SIM2: variants seen among roughly 807,000 people sequenced by gnomAD.
SIM2 encodes single-minded homolog 2.
A neutral mutation model predicts 64.8 loss-of-function variants in SIM2; 28 were observed. The observed-to-expected ratio is 0.43, with a 90% CI of 0.32 to 0.59. The LOEUF is 0.59. Ranked by LOEUF, SIM2 falls within the 20% of genes least tolerant of loss-of-function variation. The pLI, the probability that SIM2 is intolerant of heterozygous loss-of-function variation, is 0.07. For synonymous variants in SIM2, 408 were observed against 391.1 expected (o/e 1.04, Z -0.51); for missense variants, 847 against 871.4 (o/e 0.97, Z 0.35).
At chr21:36,722,116 C>T (rs2088830566) in intron 4 of SIM2, among the ~76,000 whole-genome samples, 1 of 152,220 alleles carries the variant, frequency 6.6e-6, no homozygotes, top group African/African-American at 2.4e-5. Flanking sequence ...CTCCCCAGAA[C>T]TTGGTAATTG....
intron 5 of SIM2, among the ~76,000 whole-genome samples, chr21:36,724,414 G>A (rs544775794): frequency 3.2e-4 from 49 of 152,236 alleles, no homozygotes; most frequent in African/African-American, 1.2e-3. Context: ...GTGTAGCTGG[G>A]GCCACAGGCG....
rs745858446 is a variant in SIM2, at chr21:36,726,215, G to C, written c.640G>C (p.Gly214Arg). The C allele has an allele frequency of 6.2e-7, 1 of 1,613,868 alleles. No homozygotes were observed. The highest frequency in any genetic ancestry group is 8.5e-7 in the Non-Finnish European group (1 of 1,180,014). The change falls in exon 6 of 11, where the codon GGC (glycine) becomes CGC (arginine). Residue 214 changes from glycine (G) to arginine (R), a missense_variant. Transcript: ENST00000290399. This position sits in a 1 kb window ranked among gnomAD's most constrained non-coding sequence, Gnocchi z 4.5. ...CYQIVGLVAV[G>R]QSLPPSAITE... ...CCAGATTGTGGGGCTGGTGGCCGTG[G>C]GCCAGTCGCTGCCACCCAGTGCCAT...
intron 3 of SIM2, among the ~76,000 whole-genome samples, chr21:36,713,365 C>A (rs2123436672): frequency 6.6e-6 from 1 of 152,308 alleles, no homozygotes; most frequent in East Asian, 1.9e-4. Context: ...GATTTGGGGG[C>A]TCCCTGGGCC....
chr21:36,700,396 T>C (rs1285209407), intron 1 of SIM2, among the ~76,000 whole-genome samples: 1 of 149,960 alleles, frequency 6.7e-6, no homozygotes, highest in Non-Finnish European at 1.5e-5. Flanking sequence ...CCCTCCCTCC[T>C]TCCTTCCTTC....
intron 7 of SIM2, among the ~76,000 whole-genome samples, chr21:36,732,267 G>A (rs2088980258): frequency 6.6e-6 from 1 of 152,236 alleles, no homozygotes; most frequent in African/African-American, 2.4e-5. Context: ...GCCCTGCCAC[G>A]CCCATGGCCA....
chr21:36,704,508 C>T (rs986779617), intron 1 of SIM2, among the ~76,000 whole-genome samples: 5 of 152,320 alleles, frequency 3.3e-5, no homozygotes, highest in Admixed American at 6.5e-5. Context: ...AGGGGACACC[C>T]GGGCACAGGG....
Position 36,745,944 on chromosome 21 carries a change from A to G in SIM2, c.1576+808A>G, listed in dbSNP as rs1601063682. The G allele has an allele frequency of 1.6e-6, 2 of 1,248,648 alleles. 1 individual carries two copies. Among genetic ancestry groups the G allele is most frequent in the Admixed American group, 4.7e-5 (2 of 42,148 alleles). The allele number at this position is 1,248,648 out of a possible 1,614,324, so 77.3% of individuals were successfully genotyped here. A position where few individuals can be genotyped will look rare whatever the true frequency, so the allele number is the denominator to read the frequency against. ...TGTATTCCCATTGCACCGAGACCTA[A>G]CTGCCGCTCAGAGTGTAGACCGAGA... is the stretch of plus-strand genomic sequence containing the variant. On this transcript the variant is annotated intron_variant, in intron 10 of 10. Coordinates refer to ENST00000290399, the MANE Select transcript of SIM2 (RefSeq NM_005069.6). The surrounding 1 kb of genome is among the most constrained non-coding windows in gnomAD (Gnocchi z 4.8).
intron 1 of SIM2, among the ~76,000 whole-genome samples, chr21:36,701,016 C>A (rs1737090267): frequency 6.6e-6 from 1 of 152,234 alleles, no homozygotes; most frequent in African/African-American, 2.4e-5. Flanking sequence ...GCGTTTTTGG[C>A]GTCCCAAGCG....
At position 36,734,976 on chromosome 21, in the gene SIM2, G is replaced by A. The variant is rs117786026; in HGVS notation, c.850+3825G>A. ...GAGTTGAAGTGCAATGGTTGATTTG[G>A]ACAGTGACTAGACATGGCCAGGGGA... On this transcript the variant is annotated intron_variant, in intron 7 of 10. Transcript: ENST00000290399. Among the ~76,000 whole-genome samples the A allele has an allele frequency of 5.7e-3, 869 of 152,326 alleles. 2 individuals are homozygous for A. Among genetic ancestry groups the A allele is most frequent in the Non-Finnish European group, 0.01 (684 of 68,028 alleles).
intron 7 of SIM2, among the ~76,000 whole-genome samples, chr21:36,734,147 C>T (rs1048263311): frequency 6.6e-6 from 1 of 152,192 alleles, no homozygotes; most frequent in East Asian, 1.9e-4. Context: ...CACCACACCA[C>T]GGGGCTTAAC....
chr21:36,723,115 C>T lies in SIM2; in HGVS notation c.528C>T (p.Thr176=). 1.9e-6 allele frequency: 3 copies of T among 1,614,054 alleles called. No homozygotes were observed. The highest frequency in any genetic ancestry group is 3.3e-4 in the Middle Eastern group (2 of 6,060). Residue 176 remains threonine, a synonymous_variant, in exon 5 of 11, where the codon ACC becomes ACT. Transcript: ENST00000290399. ...TGGCGAAAAGGAACGCGGGCCTGAC[C>T]TGCAGCGGATACAAGGTACGGGGAG... ...CVLAKRNAGL[T]CSGYKVIHCS...
Position 36,747,719 on chromosome 21 carries a change from C to G in SIM2, c.1631C>G (p.Pro544Arg). Residue 544 changes from proline (P) to arginine (R), a missense_variant, in exon 11 of 11, where the codon CCG becomes CGG. By Grantham distance (103) the Pro-to-Arg change is moderately radical (BLOSUM62 -2). Around this residue, in one of 3 missense-constraint regions of SIM2, gnomAD observed 447 missense variants for 414.6 expected, o/e 1.08. Coordinates refer to ENST00000290399, the MANE Select transcript of SIM2 (RefSeq NM_005069.6). This position sits in a 1 kb window ranked among gnomAD's most constrained non-coding sequence, Gnocchi z 4.5. ...GAGGACACCGCGCCCCCGAGCTTCCCGAGCTGCGGCCACTACCGCGAGGAG... is the reference window on the plus strand; with the variant it reads ...GAGGACACCGCGCCCCCGAGCTTCCGGAGCTGCGGCCACTACCGCGAGGAG... ...FGEDTAPPSF[P>R]SCGHYREEPA... is the part of the protein sequence containing the mutation. 7.9e-7 allele frequency: 1 copy of G among 1,272,984 alleles called. No homozygotes were observed. Among genetic ancestry groups the G allele is most frequent in the African/African-American group, 1.6e-5 (1 of 64,208 alleles). 78.9% of individuals were successfully genotyped at this position (1,272,984 alleles called of 1,614,324 possible).
At chr21:36,732,023 T>C (rs2088976226) in intron 7 of SIM2, among the ~76,000 whole-genome samples, 2 of 152,120 alleles carry the variant, frequency 1.3e-5, no homozygotes, top group Admixed American at 6.5e-5. Context: ...GCTGGGATTA[T>C]AGGTGCATGC....
chr21:36,726,062 G>T lies in SIM2; in HGVS notation c.544-57G>T. ...TGTTTGAGAAAATGAGCCAGGAGGA[G>T]TGGGCTCCAGCCCAACCCCAGTGGC... On this transcript the variant is annotated intron_variant, in intron 5 of 10. Transcript: ENST00000290399. This position sits in a 1 kb window ranked among gnomAD's most constrained non-coding sequence, Gnocchi z 4.5. The T allele has an allele frequency of 7.1e-7, 1 of 1,418,344 alleles. No individual in the cohort carries two copies. The highest frequency in any genetic ancestry group is 9.9e-7 in the Non-Finnish European group (1 of 1,010,488). The allele number at this position is 1,418,344 out of a possible 1,614,324, so 87.9% of individuals were successfully genotyped here. A position where few individuals can be genotyped will look rare whatever the true frequency, so the allele number is the denominator to read the frequency against.
Position 36,745,011 on chromosome 21 carries a change from C to A in SIM2, c.1451C>A (p.Pro484Gln), listed in dbSNP as rs2089211771. ...GCACGCTTTTTCCTGAGCACACTGC[C>A]AGCCAGCGGTGAATGCCAGTGGCAT... ...EVARFFLSTL[P>Q]ASGECQWHYA... The change falls in exon 10 of 11, where the codon CCA (proline) becomes CAA (glutamine). Residue 484 changes from proline (P) to glutamine (Q), a missense_variant. Around this residue, in one of 3 missense-constraint regions of SIM2, gnomAD observed 447 missense variants for 414.6 expected, o/e 1.08. Transcript: ENST00000290399. This position sits in a 1 kb window ranked among gnomAD's most constrained non-coding sequence, Gnocchi z 4.8. 3 of 1,614,218 alleles carry A rather than the reference C, an allele frequency of 1.9e-6. No homozygotes were observed. Among genetic ancestry groups the A allele is most frequent in the Non-Finnish European group, 2.5e-6 (3 of 1,180,022 alleles).
chr21:36,713,096 G>C (rs542021398), intron 3 of SIM2, among the ~76,000 whole-genome samples: 1 of 152,178 alleles, frequency 6.6e-6, no homozygotes, highest in African/African-American at 2.4e-5. Context: ...ATGAGTGTTC[G>C]CATGGAATTC....
chr21:36,701,719 C>T (rs2088500792), intron 1 of SIM2, among the ~76,000 whole-genome samples: 2 of 152,346 alleles, frequency 1.3e-5, no homozygotes, highest in East Asian at 3.9e-4. Flanking sequence ...ATGGTGACCC[C>T]TTGGCAGAGA....
intron 7 of SIM2, among the ~76,000 whole-genome samples, chr21:36,733,362 T>C (rs1312570992): frequency 2.0e-5 from 3 of 150,128 alleles, no homozygotes; most frequent in African/African-American, 7.4e-5. Context: ...GTAGCTGGGA[T>C]TACAGGTGCC....
chr21:36,745,753 T>C lies in SIM2; in HGVS notation c.1576+617T>C. 2 of 1,300,508 alleles carry C rather than the reference T, an allele frequency of 1.5e-6. No individual in the cohort carries two copies. The highest frequency in any genetic ancestry group is 1.0e-6 in the Non-Finnish European group (1 of 986,208). The allele number at this position is 1,300,508 out of a possible 1,614,324, so 80.6% of individuals were successfully genotyped here. On this transcript the variant is annotated intron_variant, in intron 10 of 10. Transcript: ENST00000290399. This position sits in a 1 kb window ranked among gnomAD's most constrained non-coding sequence, Gnocchi z 4.8. ...TAGGGACCTGCCCTGTACATGCTAGTTCAACAGAAAGGAATGGCCTTTCAC... is the reference window on the plus strand; with the variant it reads ...TAGGGACCTGCCCTGTACATGCTAGCTCAACAGAAAGGAATGGCCTTTCAC...
Sources: gnomAD v4.1 joint callset for allele counts (sites outside exome capture counted in the v4.1 genomes callset) on GRCh38, gnomAD v4.1.1 for gene constraint, gnomAD v4.1.1 regional missense constraint, Gnocchi (gnomAD v3.1) non-coding constraint, MANE v1.5 for transcripts, NCBI Gene and HGNC (gene_info 2026-07-23, HGNC 2026-07-21) for gene names.